Variants in CPA6 observed in about 807,000 individuals in gnomAD.
CPA6 encodes carboxypeptidase B.
CPA6 carries 58 observed loss-of-function variants against 63.3 expected under a neutral mutation model. That is an observed-to-expected ratio of 0.92 (90% CI 0.74 to 1.14). The LOEUF (loss-of-function observed/expected upper bound fraction) is 1.14, where lower values mean the gene tolerates loss of function less well. Among genes scored for constraint, CPA6 ranks in the 50% most tolerant of loss-of-function variants. The probability of loss-of-function intolerance (pLI) is 0.00; values close to 1 mark genes in which losing one functional copy is unlikely to be tolerated. For missense variants in CPA6, 565 were observed against 526.6 expected, an observed-to-expected ratio of 1.07 and a Z score of -0.71; for synonymous variants, 185 against 179.0, an observed-to-expected ratio of 1.03 and a Z score of -0.27.
chr8:67,532,633 C>G (rs1030954504), intron 2 of CPA6, among the ~76,000 whole-genome samples: 2 of 152,020 alleles, frequency 1.3e-5, no homozygotes, highest in African/African-American at 4.8e-5. Context: ...GCAGTGAGCA[C>G]TCCAGCCTGG....
intron 8 of CPA6, among the ~76,000 whole-genome samples, chr8:67,477,775 G>A (rs1325775638): frequency 6.6e-6 from 1 of 152,212 alleles, no homozygotes; most frequent in African/African-American, 2.4e-5. Flanking sequence ...ACTCTTCTAA[G>A]GCAGTGCATT....
rs1376011100 is a variant in CPA6 at position 67,496,537 on chromosome 8, A to ATATATATATG, written c.636+10249_636+10250insCATATATATA. On this transcript the variant is annotated intron_variant, in intron 6 of 10. Coordinates refer to ENST00000297770, the MANE Select transcript of CPA6 (RefSeq NM_020361.5). Reference sequence around the variant, plus strand: ...ATATAGTTTATATATATATATATATATATATATATATATATATATATTTAT... The same window carrying ATATATATATG: ...ATATAGTTTATATATATATATATATATATATATATGTATATATATATATATATATATTTAT... Among the ~76,000 whole-genome samples, 56 of 138,384 alleles carry ATATATATATG rather than the reference A, an allele frequency of 4.0e-4. 1 individual carries two copies. The highest frequency in any genetic ancestry group is 1.4e-3 in the African/African-American group (52 of 36,132). The allele number at this position is 138,384 out of a possible 152,430, so 90.8% of individuals were successfully genotyped here. A position where few individuals can be genotyped will look rare whatever the true frequency, so the allele number is the denominator to read the frequency against.
chr8:67,575,634 A>T (rs143349382), intron 2 of CPA6, among the ~76,000 whole-genome samples: 2,164 of 152,338 alleles, frequency 0.014, 28 homozygotes, highest in Non-Finnish European at 0.023. Flanking sequence ...AGGCGAGAGG[A>T]TCACCTGAGG....
intron 2 of CPA6, among the ~76,000 whole-genome samples, chr8:67,596,944 C>T (rs1273915074): frequency 6.6e-6 from 1 of 152,108 alleles, no homozygotes; most frequent in East Asian, 1.9e-4. Flanking sequence ...AGTGATATGT[C>T]CTTCTCAGTG....
intron 8 of CPA6, among the ~76,000 whole-genome samples, chr8:67,459,139 A>C (rs954391386): frequency 1.4e-4 from 21 of 152,182 alleles, no homozygotes; most frequent in African/African-American, 4.8e-4. Context: ...ATTATTTAAA[A>C]ATTTTTATCT....
intron 2 of CPA6, among the ~76,000 whole-genome samples, chr8:67,579,817 G>A (rs368856016): frequency 1.3e-5 from 2 of 152,314 alleles, no homozygotes; most frequent in Non-Finnish European, 2.9e-5. Context: ...ATGCTCATTC[G>A]CTTCCACATT....
chr8:67,740,871 CA>C (rs1485064448), intron 1 of CPA6, among the ~76,000 whole-genome samples: 3 of 151,954 alleles, frequency 2.0e-5, no homozygotes, highest in Non-Finnish European at 4.4e-5. Context: ...TGCCTGGCCC[CA>C]AACTACTTTT....
intron 6 of CPA6, among the ~76,000 whole-genome samples, chr8:67,502,020 T>C (rs530510508): frequency 1.8e-4 from 27 of 152,382 alleles, no homozygotes; most frequent in South Asian, 2.1e-4. Flanking sequence ...CAAATTTACA[T>C]GGGTAGAATT....
chr8:67,474,603 A>G (rs552785025), intron 8 of CPA6, among the ~76,000 whole-genome samples: 1 of 152,280 alleles, frequency 6.6e-6, no homozygotes, highest in African/African-American at 2.4e-5. Context: ...CTATGCCCAT[A>G]ATGCACACTA....
rs532370998 is a variant in CPA6, at chr8:67,701,527, C to T, written c.116+44487G>A. On this transcript the variant is annotated intron_variant, in intron 1 of 10. Coordinates refer to ENST00000297770, the MANE Select transcript of CPA6 (RefSeq NM_020361.5). ...TCTTTAGAGAACAAAAGTACACAAC[C>T]GTCCCACATGATGATTTAATGAAAG... is the stretch of plus-strand genomic sequence containing the variant. 1.1e-4 allele frequency among the ~76,000 whole-genome samples: 16 copies of T among 152,224 alleles called. No individual in the cohort carries two copies. In the South Asian group the frequency reaches 3.3e-3, roughly 32 times the overall value.
At chr8:67,654,858 TGGCC>T (rs1471132606) in intron 1 of CPA6, among the ~76,000 whole-genome samples, 1 of 152,168 alleles carries the variant, frequency 6.6e-6, no homozygotes, top group Non-Finnish European at 1.5e-5. Flanking sequence ...CGATGATAGG[TGGCC>T]AGATTTGTCT....
chr8:67,537,567 T>C (rs1437930841), intron 2 of CPA6, among the ~76,000 whole-genome samples: 1 of 152,216 alleles, frequency 6.6e-6, no homozygotes, highest in African/African-American at 2.4e-5. Context: ...TTATTGCATC[T>C]ATTTGATTCT....
Position 67,569,394 on chromosome 8 carries a change from G to A in CPA6, c.193-51347C>T, listed in dbSNP as rs577801180. ...ATTCATTACTTTCTGCCACCATCTCGGTTCCATGTTCCCCCTACAAAATGC... is the reference window on the plus strand; with the variant it reads ...ATTCATTACTTTCTGCCACCATCTCAGTTCCATGTTCCCCCTACAAAATGC... On this transcript the variant is annotated intron_variant, in intron 2 of 10. Coordinates refer to ENST00000297770, the MANE Select transcript of CPA6 (RefSeq NM_020361.5). The A allele has an allele frequency of 1.2e-4, 22 of 188,204 alleles. No individual in the cohort carries two copies. The South Asian group carries it at 2.1e-3, about 18-fold the overall frequency. The allele number at this position is 188,204 out of a possible 1,614,324, so 11.7% of individuals were successfully genotyped here.
At chr8:67,475,793 CTTT>C (rs1344646457) in intron 8 of CPA6, among the ~76,000 whole-genome samples, 652 of 47,284 alleles carry the variant, frequency 0.014, 5 homozygotes, top group Middle Eastern at 0.078. Context: ...TTCTTTCTTT[CTTT>C]CTTTCTTTCT....
chr8:67,490,308 C>T (rs966745505), intron 6 of CPA6, among the ~76,000 whole-genome samples: 1 of 152,086 alleles, frequency 6.6e-6, no homozygotes, highest in African/African-American at 2.4e-5. Context: ...TTTTAGCAAT[C>T]GATACATACC....
At chr8:67,527,647 A>G (rs1812392921) in intron 2 of CPA6, among the ~76,000 whole-genome samples, 5 of 152,162 alleles carry the variant, frequency 3.3e-5, no homozygotes, top group Admixed American at 3.3e-4. Flanking sequence ...GTTCACCCAT[A>G]TTTTTCTCCC....
chr8:67,516,842 G>T (rs574523100), intron 3 of CPA6, among the ~76,000 whole-genome samples: 9 of 152,110 alleles, frequency 5.9e-5, no homozygotes, highest in African/African-American at 2.2e-4. Context: ...TGTTACCCAG[G>T]CTGGAGTGCA....
In CPA6 at chr8:67,586,241, A is replaced by G. The variant is rs185846928; in HGVS notation, c.192+37935T>C. 2.0e-5 allele frequency among the ~76,000 whole-genome samples: 3 copies of G among 152,244 alleles called. No homozygotes were observed. The East Asian group carries it at 5.8e-4, about 29-fold the overall frequency. Reference sequence around the variant, plus strand: ...GTTGAGGATGAGAGTAAGTCATATTATTCTGTAACTGCCTAGCTTTAGGAG... The same window carrying G: ...GTTGAGGATGAGAGTAAGTCATATTGTTCTGTAACTGCCTAGCTTTAGGAG... On this transcript the variant is annotated intron_variant, in intron 2 of 10. Transcript: ENST00000297770.
In CPA6 at chr8:67,716,151, C is replaced by CAAAAAAAA. The variant is rs56275918; in HGVS notation, c.116+29855_116+29862dup. On this transcript the variant is annotated intron_variant, in intron 1 of 10. Coordinates refer to ENST00000297770, the MANE Select transcript of CPA6 (RefSeq NM_020361.5). Reference sequence around the variant, plus strand: ...CCTGGGCGAGAGAGTGAGCTTGTCTCAAAAAAAAAAAAAAAAAAAAAAAAA... The same window carrying CAAAAAAAA: ...CCTGGGCGAGAGAGTGAGCTTGTCTCAAAAAAAAAAAAAAAAAAAAAAAAAAAAAAAAA... Among the ~76,000 whole-genome samples the CAAAAAAAA allele has an allele frequency of 4.7e-4, 36 of 76,548 alleles. 1 individual carries two copies. The highest frequency in any genetic ancestry group is 2.2e-3 in the African/African-American group (33 of 14,922). The allele number at this position is 76,548 out of a possible 152,430, so 50.2% of individuals were successfully genotyped here. A position where few individuals can be genotyped will look rare whatever the true frequency, so the allele number is the denominator to read the frequency against.
Sources: allele counts gnomAD v4.1 joint callset (sites outside exome capture counted in the v4.1 genomes callset), GRCh38; gene constraint gnomAD v4.1.1; transcripts MANE v1.5; gene names NCBI Gene and HGNC (gene_info 2026-07-23, HGNC 2026-07-21).